Variants in EVC observed in about 807,000 individuals in gnomAD.
EVC encodes evC complex member EVC.
In EVC, 116 loss-of-function variants were observed where a neutral mutation model predicts 118.9. The ratio of observed to expected loss-of-function variants is 0.98; its 90% CI spans 0.84 to 1.14. The LOEUF (loss-of-function observed/expected upper bound fraction) is 1.14. Ranked by LOEUF, EVC falls within the 50% of genes most tolerant of loss-of-function variation. The pLI, the probability that EVC is intolerant of heterozygous loss-of-function variation, is 0.00. For missense variants in EVC, 1,401 were observed against 1,246.4 expected (o/e 1.12, Z -1.87); for synonymous variants, 619 against 534.7 (o/e 1.16, Z -2.18).
chr4:5,778,749 C>T (rs1318198092), intron 11 of EVC, among the ~76,000 whole-genome samples: 1 of 152,096 alleles, frequency 6.6e-6, no homozygotes, highest in Admixed American at 6.5e-5. Context: ...AGCCCTTTGT[C>T]AGATGAGTAG....
Position 5,802,007 on chromosome 4 carries a change from C to T in EVC, c.2362C>T (p.Arg788Cys), listed in dbSNP as rs761286195. 7 of 1,614,160 alleles carry T rather than the reference C, an allele frequency of 4.3e-6. No homozygotes were observed. Among genetic ancestry groups the T allele is most frequent in the South Asian group, 1.1e-5 (1 of 91,064 alleles). Residue 788 changes from arginine to cysteine, a missense_variant, in exon 16 of 21, where the codon CGC (arginine) becomes TGC (cysteine). Transcript: ENST00000264956. ...SVYVTSAGVS[R>C]LVQAYYQQIG... ...CTACGTGACCAGCGCTGGTGTCAGC[C>T]GCCTGGTGCAGGCGTATTACCAGCA...
At chr4:5,717,193 C>G (rs1724104427) in intron 1 of EVC, among the ~76,000 whole-genome samples, 1 of 152,142 alleles carries the variant, frequency 6.6e-6, no homozygotes, top group South Asian at 2.1e-4. Flanking sequence ...AGATGTTTCT[C>G]AACTTTATAC....
chr4:5,822,742 A>T, the EVC span, among the ~76,000 whole-genome samples: 1 of 152,190 alleles, frequency 6.6e-6, no homozygotes, highest in East Asian at 1.9e-4. Context: ...AAAAAGAGAA[A>T]GCAAATAAGC....
chr4:5,741,969 CA>C (rs1728662162), intron 6 of EVC, among the ~76,000 whole-genome samples, 155 bp downstream of exon 6: 1 of 151,834 alleles, frequency 6.6e-6, no homozygotes, highest in African/African-American at 2.4e-5. Flanking sequence ...AGTATGTATA[CA>C]AATATTTAAA....
Position 5,737,769 on chromosome 4 carries a change from C to T in EVC, c.703-3947C>T, listed in dbSNP as rs1727924495. Among the ~76,000 whole-genome samples the T allele has an allele frequency of 6.6e-6, 1 of 152,138 alleles. No individual in the cohort carries two copies. The highest frequency in any genetic ancestry group is 1.5e-5 in the Non-Finnish European group (1 of 68,028). ...AAATGTTACTGGTCATTTTCAAAAC[C>T]CCTGGTCACCCGAGAGCTCTGATGA... On this transcript the variant is annotated intron_variant, in intron 5 of 20. Coordinates refer to ENST00000264956, the MANE Select transcript of EVC (RefSeq NM_153717.3). The surrounding 1 kb of genome is among the most constrained non-coding windows in gnomAD (Gnocchi z 5.0).
At chr4:5,735,786 C>T (rs1727570173) in intron 5 of EVC, among the ~76,000 whole-genome samples, 1 of 152,164 alleles carries the variant, frequency 6.6e-6, no homozygotes, top group South Asian at 2.1e-4. Flanking sequence ...GCCCTGCACC[C>T]TGCATGTTAA....
chr4:5,773,513 G>A (rs941074173), intron 11 of EVC, among the ~76,000 whole-genome samples: 34 of 152,142 alleles, frequency 2.2e-4, no homozygotes, highest in African/African-American at 7.7e-4. Context: ...CCTGAACTCA[G>A]TGTAGCAGAG....
intron 8 of EVC, among the ~76,000 whole-genome samples, chr4:5,752,171 C>A (rs1730473894): frequency 6.6e-6 from 1 of 152,000 alleles, no homozygotes; most frequent in South Asian, 2.1e-4. Flanking sequence ...GAGGGAGATG[C>A]CAACGTCCGC....
rs952917242 is a variant in EVC, at chr4:5,813,992, T to C, written c.*2955T>C. 5 of 152,164 alleles carry C rather than the reference T, an allele frequency of 3.3e-5. No homozygotes were observed. The highest frequency in any genetic ancestry group is 1.9e-4 in the East Asian group (1 of 5,178). 9.4% of individuals were successfully genotyped at this position (152,164 alleles called of 1,614,324 possible). ...ATTGCTCCCTGATTAAAATGAGATA[T>C]GGCTATTTGGAAGACACTGCATTTT... is the stretch of plus-strand genomic sequence containing the variant. On this transcript the variant is annotated 3_prime_UTR_variant, in exon 21 of 21. Coordinates refer to ENST00000264956, the MANE Select transcript of EVC (RefSeq NM_153717.3).
intron 12 of EVC, among the ~76,000 whole-genome samples, chr4:5,786,132 C>G (rs1287381166): frequency 1.3e-5 from 2 of 152,132 alleles, no homozygotes; most frequent in Non-Finnish European, 2.9e-5. Context: ...TTTTACACAA[C>G]TTGCTAAAAA....
intron 5 of EVC, among the ~76,000 whole-genome samples, chr4:5,739,158 A>C (rs552988670): frequency 6.6e-6 from 1 of 152,152 alleles, no homozygotes; most frequent in Admixed American, 6.5e-5. Context: ...AACTATCTCA[A>C]AGTTGGCACT....
rs759941550 is a variant in EVC, at chr4:5,719,346, G to C, written c.273G>C (p.Gln91His). Residue 91 changes from glutamine to histidine, a missense_variant, in exon 2 of 21, where the codon CAG becomes CAC. By Grantham distance (24) the Gln-to-His change is conservative. Coordinates refer to ENST00000264956, the MANE Select transcript of EVC (RefSeq NM_153717.3). The surrounding 1 kb of genome is among the most constrained non-coding windows in gnomAD (Gnocchi z 4.7). ...SPSRRRKREV[Q>H]MSKDKEAVDE... ...CAAGGAGGAGGAAGAGAGAAGTGCA[G>C]ATGTCGAAGGACAAGGAAGCTGTTG... is the stretch of plus-strand genomic sequence containing the variant. 2 of 1,614,238 alleles carry C rather than the reference G, an allele frequency of 1.2e-6. No individual in the cohort carries two copies. The highest frequency in any genetic ancestry group is 1.7e-6 in the Non-Finnish European group (2 of 1,180,046).
At chr4:5,791,261 T>C (rs1010223623) in intron 12 of EVC, among the ~76,000 whole-genome samples, 2 of 152,112 alleles carry the variant, frequency 1.3e-5, no homozygotes, top group African/African-American at 4.8e-5. Context: ...ATGGAAAATA[T>C]AGAAGAAGAG....
chr4:5,734,110 C>T (rs1255167862), intron 5 of EVC, among the ~76,000 whole-genome samples: 2 of 152,150 alleles, frequency 1.3e-5, no homozygotes, highest in Non-Finnish European at 2.9e-5. Flanking sequence ...CTATGGGAAG[C>T]CAGAGAGAGG....
chr4:5,739,117 G>A (rs1379286316), intron 5 of EVC, among the ~76,000 whole-genome samples: 1 of 152,088 alleles, frequency 6.6e-6, no homozygotes, highest in Admixed American at 6.5e-5. Context: ...TGGTATGCTT[G>A]TATTATTTTT....
At chr4:5,794,394 A>T (rs994240229) in intron 13 of EVC, among the ~76,000 whole-genome samples, 1 of 125,194 alleles carries the variant, frequency 8.0e-6, no homozygotes, top group African/African-American at 2.7e-5. Context: ...TATATTTTTT[A>T]TATATATATA....
intron 8 of EVC, among the ~76,000 whole-genome samples, chr4:5,750,679 T>A (rs1403867816): frequency 1.3e-5 from 2 of 152,170 alleles, no homozygotes; most frequent in Non-Finnish European, 1.5e-5. Flanking sequence ...CTTGGCAGTA[T>A]GTAAAGTTTT....
rs933156146 is a variant in EVC at position 5,780,053 on chromosome 4, G to C, written c.1564-3499G>C. ...TTGATTAAGAGTTTTTAGCATGAAG[G>C]GTTGTTGAATTTTGTCAAAGGTCTT... On this transcript the variant is annotated intron_variant, in intron 11 of 20. Transcript: ENST00000264956. Among the ~76,000 whole-genome samples, 12 of 152,230 alleles carry C rather than the reference G, an allele frequency of 7.9e-5. No individual in the cohort carries two copies. In the East Asian group the frequency reaches 1.2e-3, roughly 15 times the overall value.
downstream of EVC, among the ~76,000 whole-genome samples, chr4:5,818,246 C>T (rs143029228): frequency 7.4e-3 from 1,124 of 152,248 alleles, 17 homozygotes; most frequent in African/African-American, 0.026. Context: ...GTTCTAGCCA[C>T]GTGGAACTGT....
Sources: gnomAD v4.1 joint callset for allele counts (sites outside exome capture counted in the v4.1 genomes callset) on GRCh38, gnomAD v4.1.1 for gene constraint, Gnocchi (gnomAD v3.1) non-coding constraint, MANE v1.5 for transcripts, NCBI Gene and HGNC (gene_info 2026-07-23, HGNC 2026-07-21) for gene names.